EPHA5: variants seen among roughly 807,000 people sequenced by gnomAD.
The protein encoded by EPHA5 is ephrin type-A receptor 5.
A neutral mutation model predicts 105.0 loss-of-function variants in EPHA5; 60 were observed. That is an observed-to-expected ratio of 0.57 (90% CI 0.46 to 0.71). The LOEUF (loss-of-function observed/expected upper bound fraction) is 0.71. Among genes scored for constraint, EPHA5 ranks in the 30% least tolerant of loss-of-function variants. The pLI, the probability that EPHA5 is intolerant of heterozygous loss-of-function variation, is 0.00. For missense variants in EPHA5, 1,218 were observed against 1,274.7 expected, an observed-to-expected ratio of 0.96 and a Z score of 0.68; for synonymous variants, 513 against 449.1, an observed-to-expected ratio of 1.14 and a Z score of -1.80.
chr4:65,518,112 A>G (rs1310637259), intron 3 of EPHA5, among the ~76,000 whole-genome samples: 1 of 152,018 alleles, frequency 6.6e-6, no homozygotes, highest in East Asian at 1.9e-4. Context: ...AAAAGTTTGA[A>G]GAACTAATTA....
At chr4:65,417,712 A>G (rs1723525012) in intron 6 of EPHA5, among the ~76,000 whole-genome samples, 1 of 152,122 alleles carries the variant, frequency 6.6e-6, no homozygotes, top group African/African-American at 2.4e-5. Context: ...TCATACTGAG[A>G]TAAATGTAAC....
chr4:65,640,087 A>G (rs2149508613), intron 2 of EPHA5, among the ~76,000 whole-genome samples: 1 of 152,120 alleles, frequency 6.6e-6, no homozygotes, highest in South Asian at 2.1e-4. Flanking sequence ...TTGCCTTTGC[A>G]TTTCTCATAG....
chr4:65,327,708 TC>T (rs895843733), intron 16 of EPHA5, among the ~76,000 whole-genome samples: 4 of 151,300 alleles, frequency 2.6e-5, no homozygotes, highest in African/African-American at 9.7e-5. Context: ...CTAAGTAGTT[TC>T]TTTTGAAATG....
At chr4:65,459,073 C>A (rs1727880070) in intron 5 of EPHA5, among the ~76,000 whole-genome samples, 1 of 152,000 alleles carries the variant, frequency 6.6e-6, no homozygotes, top group Admixed American at 6.5e-5. Context: ...GCAAGAAATG[C>A]ATAAGCAGAA....
intron 15 of EPHA5, among the ~76,000 whole-genome samples, chr4:65,333,271 T>C (rs116208045): frequency 5.3e-4 from 81 of 151,886 alleles, no homozygotes; most frequent in African/African-American, 1.9e-3. Flanking sequence ...CCTTTCTCTC[T>C]ACTCAGGTTC....
intron 14 of EPHA5, among the ~76,000 whole-genome samples, chr4:65,343,391 C>T (rs1721920759): frequency 6.6e-6 from 1 of 152,140 alleles, no homozygotes; most frequent in Non-Finnish European, 1.5e-5. Context: ...CCTACTGCTG[C>T]ATTTTGTCCT....
At chr4:65,561,378 C>T (rs1163387027) in intron 3 of EPHA5, among the ~76,000 whole-genome samples, 1 of 146,984 alleles carries the variant, frequency 6.8e-6, no homozygotes, top group Non-Finnish European at 1.5e-5. Context: ...CAGTCATAGG[C>T]ATATAGGGTA....
At chr4:65,570,897 A>C (rs947943594) in intron 3 of EPHA5, among the ~76,000 whole-genome samples, 19 of 152,010 alleles carry the variant, frequency 1.2e-4, no homozygotes, top group African/African-American at 3.9e-4. Flanking sequence ...ATAGCAATGG[A>C]GATTAAACAA....
chr4:65,506,935 C>G lies in EPHA5; in HGVS notation c.911-11392G>C, dbSNP rs374843714. Among the ~76,000 whole-genome samples, 7 of 152,180 alleles carry G rather than the reference C, an allele frequency of 4.6e-5. No individual in the cohort carries two copies. In the East Asian group the frequency reaches 1.2e-3, roughly 25 times the overall value. ...TGTTTGGTGTTTTAGACATGAAGTC[C>G]TTGCCCATGCCTATGTCCTGAACGG... On this transcript the variant is annotated intron_variant, in intron 3 of 16. Transcript: ENST00000613740.
At chr4:65,611,675 G>A (rs532753452) in intron 2 of EPHA5, among the ~76,000 whole-genome samples, 1 of 151,884 alleles carries the variant, frequency 6.6e-6, no homozygotes, top group East Asian at 1.9e-4. Flanking sequence ...ATAATATTAT[G>A]CTTCTGATGC....
At chr4:65,377,129 A>G (rs1719091265) in intron 8 of EPHA5, 1 of 1,454,006 alleles carries the variant, frequency 6.9e-7, no homozygotes, top group Non-Finnish European at 9.3e-7. Context: ...TAGCATAAAG[A>G]CACTATGAAT....
chr4:65,401,212 G>A (rs1047694720), intron 8 of EPHA5, among the ~76,000 whole-genome samples: 1 of 151,896 alleles, frequency 6.6e-6, no homozygotes, highest in African/African-American at 2.4e-5. Context: ...TTTATGTTAG[G>A]TTTTGGCCAC....
At chr4:65,397,996 G>A (rs192706333) in intron 8 of EPHA5, among the ~76,000 whole-genome samples, 101 of 152,294 alleles carry the variant, frequency 6.6e-4, no homozygotes, top group South Asian at 1.7e-3. Flanking sequence ...TCCATGAAAT[G>A]AGCATGAGCC....
intron 5 of EPHA5, among the ~76,000 whole-genome samples, chr4:65,430,444 T>A (rs1724863137): frequency 6.6e-6 from 1 of 152,064 alleles, no homozygotes; most frequent in African/African-American, 2.4e-5. Flanking sequence ...GCTAAGTGAA[T>A]GAACAAATAG....
chr4:65,386,705 G>GT, intron 8 of EPHA5, among the ~76,000 whole-genome samples: 1 of 151,638 alleles, frequency 6.6e-6, no homozygotes, highest in Middle Eastern at 3.4e-3. Context: ...GTTATGTTAA[G>GT]TAAAAAAAAC....
intron 3 of EPHA5, among the ~76,000 whole-genome samples, chr4:65,599,663 T>A (rs541325668): frequency 2.2e-4 from 34 of 152,234 alleles, no homozygotes; most frequent in Non-Finnish European, 2.5e-4. Context: ...CTGCTCCTAC[T>A]ACCAAGGGAG....
At chr4:65,439,080 T>C (rs1475926426) in intron 5 of EPHA5, among the ~76,000 whole-genome samples, 1 of 152,038 alleles carries the variant, frequency 6.6e-6, no homozygotes, top group African/African-American at 2.4e-5. Flanking sequence ...ATTTTACAGG[T>C]GAAGATACTG....
intron 3 of EPHA5, among the ~76,000 whole-genome samples, chr4:65,585,992 AAG>A (rs1200374134): frequency 6.6e-6 from 1 of 151,730 alleles, no homozygotes; most frequent in African/African-American, 2.4e-5. Flanking sequence ...CCTAAAAATA[AAG>A]AGAAAAAACA....
intron 8 of EPHA5, among the ~76,000 whole-genome samples, chr4:65,391,044 C>T (rs1465634437): frequency 1.3e-5 from 2 of 151,908 alleles, no homozygotes; most frequent in Non-Finnish European, 2.9e-5. Flanking sequence ...CATAAGGCAG[C>T]AGGAAGGAGA....
Sources: allele counts gnomAD v4.1 joint callset (sites outside exome capture counted in the v4.1 genomes callset), GRCh38; gene constraint gnomAD v4.1.1; transcripts MANE v1.5; gene names NCBI Gene and HGNC (gene_info 2026-07-23, HGNC 2026-07-21).